SSBP3: variants seen among roughly 807,000 people sequenced by gnomAD.
SSBP3 encodes the protein single stranded DNA binding protein 3.
A neutral mutation model predicts 69.6 loss-of-function variants in SSBP3; 5 were observed. That is an observed-to-expected ratio of 0.07 (90% CI 0.04 to 0.15). The LOEUF (loss-of-function observed/expected upper bound fraction) is 0.15. SSBP3 is among the 10% of genes least tolerant of loss of function. The pLI, the probability that SSBP3 is intolerant of heterozygous loss-of-function variation, is 1.00. For missense variants in SSBP3, 312 were observed against 534.0 expected, an observed-to-expected ratio of 0.58 and a Z score of 4.10; for synonymous variants, 196 against 193.4, an observed-to-expected ratio of 1.01 and a Z score of -0.11.
intron 7 of SSBP3, among the ~76,000 whole-genome samples, chr1:54,256,647 C>T (rs1488984019): frequency 1.3e-5 from 2 of 152,200 alleles, no homozygotes; most frequent in Non-Finnish European, 2.9e-5. Context: ...CTGCTGCATC[C>T]AGGCTCCTGA....
intron 4 of SSBP3, among the ~76,000 whole-genome samples, chr1:54,388,305 A>G (rs1380152467): frequency 6.6e-6 from 1 of 152,190 alleles, no homozygotes; most frequent in Non-Finnish European, 1.5e-5. Flanking sequence ...TCTACTATCT[A>G]ATGACTTCAT....
chr1:54,368,825 C>T (rs888213655), intron 4 of SSBP3, among the ~76,000 whole-genome samples: 9 of 152,276 alleles, frequency 5.9e-5, no homozygotes, highest in Middle Eastern at 3.4e-3. Flanking sequence ...TGGGGGCCCC[C>T]GTGGCTCTCA....
intron 4 of SSBP3, chr1:54,285,564 G>T (rs888374046): frequency 7.9e-5 from 12 of 152,082 alleles, no homozygotes; most frequent in African/African-American, 2.9e-4. Context: ...GGAATGCAGT[G>T]GCCCAATCAT....
At chr1:54,250,861 G>A (rs758703910) in intron 9 of SSBP3, among the ~76,000 whole-genome samples, 2 of 152,188 alleles carry the variant, frequency 1.3e-5, no homozygotes, top group Non-Finnish European at 2.9e-5. Context: ...ACCTGTCAGC[G>A]CCAACACCTG....
intron 4 of SSBP3, among the ~76,000 whole-genome samples, chr1:54,397,710 G>C (rs1050006283): frequency 1.2e-4 from 18 of 152,194 alleles, no homozygotes; most frequent in African/African-American, 4.3e-4. Flanking sequence ...CACTCCCCAA[G>C]TTCTTCACTG....
intron 4 of SSBP3, among the ~76,000 whole-genome samples, chr1:54,364,818 C>A (rs1291269038): frequency 6.6e-6 from 1 of 152,168 alleles, no homozygotes; most frequent in Non-Finnish European, 1.5e-5. Context: ...AGTATCGAAC[C>A]CAAACAGCCT....
In SSBP3 at chr1:54,313,365, TTC is replaced by T. The variant is rs889736901; in HGVS notation, c.277-31840_277-31839del. Among the ~76,000 whole-genome samples the T allele has an allele frequency of 9.1e-4, 138 of 151,800 alleles. 1 individual carries two copies. The highest frequency in any genetic ancestry group is 3.2e-3 in the African/African-American group (133 of 41,382). On this transcript the variant is annotated intron_variant, in intron 4 of 17. Transcript: ENST00000610401. ...TACAGTCTAGGGCTCCTGCTTTCTC[TTC>T]TGTCTCAAGGCTTCCCTGCTCCTCA...
At chr1:54,248,453 C>T (rs640996) in intron 9 of SSBP3, among the ~76,000 whole-genome samples, 116,095 of 152,142 alleles carry the variant, frequency 0.76, 45,635 homozygotes, top group East Asian at 1. Flanking sequence ...TTGCAGATGA[C>T]AGACTGGAGG....
chr1:54,252,589 G>T (rs902515981), intron 7 of SSBP3, among the ~76,000 whole-genome samples: 2 of 152,222 alleles, frequency 1.3e-5, no homozygotes, highest in Admixed American at 1.3e-4. Context: ...ACGAGAACCC[G>T]GCTCCAGAGC....
At chr1:54,349,430 C>T (rs1646745742) in intron 4 of SSBP3, among the ~76,000 whole-genome samples, 1 of 152,214 alleles carries the variant, frequency 6.6e-6, no homozygotes, top group Admixed American at 6.5e-5. Flanking sequence ...ATCAAAACTG[C>T]ATGATACACT....
chr1:54,303,472 G>T (rs1422265711), intron 4 of SSBP3, among the ~76,000 whole-genome samples: 1 of 152,186 alleles, frequency 6.6e-6, no homozygotes, highest in Non-Finnish European at 1.5e-5. Context: ...CTATGCACTG[G>T]GTTCCATGCT....
At chr1:54,296,262 T>C (rs1645701784) in intron 4 of SSBP3, among the ~76,000 whole-genome samples, 1 of 152,210 alleles carries the variant, frequency 6.6e-6, no homozygotes, top group East Asian at 1.9e-4. Context: ...GAGACAAACA[T>C]GAAAACCTCT....
upstream of SSBP3, among the ~76,000 whole-genome samples, chr1:54,407,051 C>T (rs932518790): frequency 2.0e-5 from 3 of 152,016 alleles, no homozygotes; most frequent in African/African-American, 7.2e-5. Flanking sequence ...CTCGAGCCGG[C>T]GCCGAGGCGC....
rs141277549 is a variant in SSBP3, at chr1:54,365,007, A to G, written c.276+36854T>C. 1.3e-3 allele frequency among the ~76,000 whole-genome samples: 203 copies of G among 152,298 alleles called. 1 individual carries two copies. The highest frequency in any genetic ancestry group is 4.6e-3 in the African/African-American group (190 of 41,550). ...TGTGGAAAATCAGGCTGAGAGGGAA[A>G]TGCAGATGGAGAGGCCCCAGGCCTG... is the stretch of plus-strand genomic sequence containing the variant. On this transcript the variant is annotated intron_variant, in intron 4 of 17. Coordinates refer to ENST00000610401, the Ensembl canonical transcript of SSBP3.
At chr1:54,244,646 C>G (rs114397454) in intron 9 of SSBP3, among the ~76,000 whole-genome samples, 2 of 152,202 alleles carry the variant, frequency 1.3e-5, no homozygotes, top group Non-Finnish European at 2.9e-5. Flanking sequence ...GGTCAAGGCA[C>G]CAGGCCTCGT....
chr1:54,356,642 C>A (rs1646871637), intron 4 of SSBP3: 1 of 152,204 alleles, frequency 6.6e-6, no homozygotes, highest in Non-Finnish European at 1.5e-5. Flanking sequence ...CAAACAAGCC[C>A]CCCACCGCCT....
At position 54,395,944 on chromosome 1, in the gene SSBP3, G is replaced by A. The variant is rs1648833384; in HGVS notation, c.276+5917C>T. 2.6e-5 allele frequency among the ~76,000 whole-genome samples: 4 copies of A among 152,084 alleles called. No individual in the cohort carries two copies. In the South Asian group the frequency reaches 6.2e-4, roughly 24 times the overall value. ...GCGGTGGCTCACGCCTGCAATCCCA[G>A]CACTTTGGGAGGCTGAGGCAGTCAG... On this transcript the variant is annotated intron_variant, in intron 4 of 17. Transcript: ENST00000610401.
chr1:54,348,482 A>T (rs1646727657), intron 4 of SSBP3, among the ~76,000 whole-genome samples: 1 of 152,104 alleles, frequency 6.6e-6, no homozygotes, highest in African/African-American at 2.4e-5. Context: ...AACAGGTGAC[A>T]CCCAGAGCAC....
intron 4 of SSBP3, among the ~76,000 whole-genome samples, chr1:54,363,819 T>C (rs568573316): frequency 2.6e-5 from 4 of 152,206 alleles, no homozygotes; most frequent in Admixed American, 1.3e-4. Context: ...GGACTTAAAA[T>C]AGGATTTACC....
Sources: allele counts gnomAD v4.1 joint callset (sites outside exome capture counted in the v4.1 genomes callset), GRCh38; gene constraint gnomAD v4.1.1; transcripts MANE v1.5; gene names NCBI Gene and HGNC (gene_info 2026-07-23, HGNC 2026-07-21).